The following SUGCT variants were observed in gnomAD, a reference collection of about 807,000 sequenced individuals.
SUGCT encodes the protein succinyl-CoA:glutarate CoA-transferase.
Under a neutral mutation model 55.0 loss-of-function variants are expected in SUGCT, and 41 were observed. That is an observed-to-expected ratio of 0.74 (90% CI 0.58 to 0.97). SUGCT has a LOEUF of 0.97. Ranked by LOEUF, SUGCT falls within the 50% of genes least tolerant of loss-of-function variation. SUGCT has a pLI of 0.00. For synonymous variants in SUGCT, 187 were observed against 200.4 expected, an observed-to-expected ratio of 0.93 and a Z score of 0.56; for missense variants, 568 against 547.8, an observed-to-expected ratio of 1.04 and a Z score of -0.37.
chr7:40,163,826 T>TA (rs1258434007), intron 1 of SUGCT, among the ~76,000 whole-genome samples: 3 of 146,588 alleles, frequency 2.0e-5, no homozygotes, highest in Non-Finnish European at 4.5e-5. Context: ...TGAATTGAAT[T>TA]TTTTTTTTTT....
chr7:40,659,180 G>C (rs1358526664), intron 12 of SUGCT, among the ~76,000 whole-genome samples: 3 of 152,162 alleles, frequency 2.0e-5, no homozygotes, highest in Non-Finnish European at 4.4e-5. Context: ...ACCGAACAAT[G>C]ATACTTTATT....
chr7:40,877,282 G>A, the SUGCT span, among the ~76,000 whole-genome samples: 2,723 of 152,186 alleles, frequency 0.018, 29 homozygotes, highest in Non-Finnish European at 0.027. Context: ...ACCCAAATGC[G>A]TGTCTGTATG....
At chr7:40,251,114 C>A (rs528423310) in intron 7 of SUGCT, among the ~76,000 whole-genome samples, 1 of 152,250 alleles carries the variant, frequency 6.6e-6, no homozygotes, top group African/African-American at 2.4e-5. Context: ...CAGGTGTGAG[C>A]CACCATGTCC....
chr7:40,725,836 C>T (rs1355872764), intron 12 of SUGCT, among the ~76,000 whole-genome samples: 3 of 151,952 alleles, frequency 2.0e-5, no homozygotes, highest in Admixed American at 2.0e-4. Flanking sequence ...TGCCTCAAAC[C>T]CTTTTATAGC....
At chr7:40,380,808 C>T (rs886258747) in intron 9 of SUGCT, among the ~76,000 whole-genome samples, 8 of 152,082 alleles carry the variant, frequency 5.3e-5, no homozygotes, top group Non-Finnish European at 1.0e-4. Flanking sequence ...TGTATATTTT[C>T]CTTTCTGTAT....
At chr7:40,876,859 G>A in the SUGCT span, among the ~76,000 whole-genome samples, 1 of 152,238 alleles carries the variant, frequency 6.6e-6, no homozygotes, top group South Asian at 2.1e-4. Flanking sequence ...TGGTTGTGCA[G>A]CCACTGCTCC....
chr7:40,422,508 C>T (rs1014371932), intron 9 of SUGCT, among the ~76,000 whole-genome samples: 1 of 152,146 alleles, frequency 6.6e-6, no homozygotes, highest in African/African-American at 2.4e-5. Context: ...GTATATGCCA[C>T]ATTTGCAAAT....
intron 9 of SUGCT, among the ~76,000 whole-genome samples, chr7:40,360,620 G>A (rs563787994): frequency 1.1e-4 from 17 of 152,248 alleles, no homozygotes; most frequent in Admixed American, 5.2e-4. Flanking sequence ...TCCTAACCCC[G>A]TTGTGGGAGA....
intron 12 of SUGCT, among the ~76,000 whole-genome samples, chr7:40,654,739 G>T (rs1800935904): frequency 6.6e-6 from 1 of 152,112 alleles, no homozygotes; most frequent in South Asian, 2.1e-4. Flanking sequence ...GTGATGCCTT[G>T]TTCCACCACT....
intron 13 of SUGCT, among the ~76,000 whole-genome samples, chr7:40,850,781 T>G (rs191100517): frequency 1.0e-3 from 152 of 152,348 alleles, no homozygotes; most frequent in Middle Eastern, 3.4e-3. Context: ...TTTCTACAAG[T>G]TAAAACTTTT....
intron 8 of SUGCT, among the ~76,000 whole-genome samples, chr7:40,282,242 C>T (rs188694366): frequency 3.3e-4 from 50 of 151,774 alleles, no homozygotes; most frequent in African/African-American, 9.4e-4. Context: ...CTAAGGTGGG[C>T]GAATCATTTG....
chr7:40,982,092 A>G, the SUGCT span, among the ~76,000 whole-genome samples: 1 of 152,034 alleles, frequency 6.6e-6, no homozygotes, highest in Admixed American at 6.6e-5. Context: ...ATAATAATAA[A>G]ATCAACCTCA....
At chr7:40,856,061 C>T (rs1794153571) in intron 13 of SUGCT, among the ~76,000 whole-genome samples, 1 of 152,172 alleles carries the variant, frequency 6.6e-6, no homozygotes, top group East Asian at 1.9e-4. Flanking sequence ...TAATCACTGA[C>T]TTTAAGATCA....
At chr7:40,770,648 A>T (rs1789047929) in intron 13 of SUGCT, among the ~76,000 whole-genome samples, 2 of 152,198 alleles carry the variant, frequency 1.3e-5, no homozygotes, top group Non-Finnish European at 2.9e-5. Context: ...TATCCTGGTG[A>T]TGAAGAGTGG....
chr7:40,646,894 A>G lies in SUGCT; in HGVS notation c.1090-102540A>G, dbSNP rs1159617158. ...AAGTACAGGGCCTCCCACTCAATGA[A>G]TATCTGTTGCATGAATGAATCAGGG... is the stretch of plus-strand genomic sequence containing the variant. On this transcript the variant is annotated intron_variant, in intron 12 of 13. Coordinates refer to ENST00000335693, the MANE Select transcript of SUGCT (RefSeq NM_001193313.2). 2.6e-5 allele frequency among the ~76,000 whole-genome samples: 4 copies of G among 152,154 alleles called. No homozygotes were observed. The East Asian group carries it at 5.8e-4, about 22-fold the overall frequency.
intron 9 of SUGCT, among the ~76,000 whole-genome samples, chr7:40,327,977 A>C (rs1442886322): frequency 3.3e-5 from 5 of 152,238 alleles, no homozygotes; most frequent in African/African-American, 1.2e-4. Context: ...GTGCAGGGTC[A>C]CAAGTCCATG....
At chr7:40,231,401 T>G (rs1283699380) in intron 6 of SUGCT, among the ~76,000 whole-genome samples, 2 of 152,098 alleles carry the variant, frequency 1.3e-5, no homozygotes, top group South Asian at 2.1e-4. Context: ...GAGAGAGATA[T>G]CCATCAAAAA....
the SUGCT span, among the ~76,000 whole-genome samples, chr7:41,017,630 G>A: frequency 1.5e-4 from 23 of 152,156 alleles, no homozygotes; most frequent in African/African-American, 5.5e-4. Flanking sequence ...ACTTAGCCGG[G>A]CGTGGTGGCG....
chr7:40,216,053 C>T (rs1410855897), intron 6 of SUGCT, among the ~76,000 whole-genome samples: 1 of 149,732 alleles, frequency 6.7e-6, no homozygotes, highest in Non-Finnish European at 1.5e-5. Context: ...TTATATAGAA[C>T]AGAAATTATT....
Sources: gnomAD v4.1 joint callset for allele counts (sites outside exome capture counted in the v4.1 genomes callset) on GRCh38, gnomAD v4.1.1 for gene constraint, MANE v1.5 for transcripts, NCBI Gene and HGNC (gene_info 2026-07-23, HGNC 2026-07-21) for gene names.